The following SYTL2 variants were observed in gnomAD, a reference collection of about 807,000 sequenced individuals.
The protein encoded by SYTL2 is synaptotagmin like 2.
SYTL2 carries 165 observed loss-of-function variants against 198.7 expected under a neutral mutation model. That is an observed-to-expected ratio of 0.83 (90% CI 0.73 to 0.94). The LOEUF (loss-of-function observed/expected upper bound fraction) is 0.94. Among genes scored for constraint, SYTL2 ranks in the 40% least tolerant of loss-of-function variants. SYTL2 has a pLI of 0.00. For missense variants in SYTL2, 2,835 were observed against 2,582.8 expected, an observed-to-expected ratio of 1.10 and a Z score of -2.12; for synonymous variants, 966 against 917.7, an observed-to-expected ratio of 1.05 and a Z score of -0.95.
At chr11:85,707,394 T>C (rs1292106980) in intron 15 of SYTL2, 35 bp downstream of exon 15, 1 of 1,435,606 alleles carries the variant, frequency 7.0e-7, no homozygotes, top group East Asian at 2.3e-5. Flanking sequence ...CAGGTCACCA[T>C]CTAGGATTTT....
rs1024117941 is a variant in SYTL2, at chr11:85,727,352, T to C, written c.2006A>G (p.Tyr669Cys). The C allele has an allele frequency of 3.3e-5, 51 of 1,536,116 alleles. No individual in the cohort carries two copies. Among genetic ancestry groups the C allele is most frequent in the Admixed American group, 1.2e-4 (6 of 50,976 alleles). The change falls in exon 8 of 20, where the codon TAT becomes TGT. Residue 669 changes from tyrosine (Y) to cysteine (C), a missense_variant. Transcript: ENST00000359152. ...GNGASPSNSN[Y>C]SYSVLKESDA... ...AGATTCCTTGAGAACACTGTAGGAA[T>C]AGTTACTATTTGAAGGAGATGCCCC...
At chr11:85,811,524 A>G (rs141396189), upstream of SYTL2, among the ~76,000 whole-genome samples, 4 of 152,164 alleles carry the variant, frequency 2.6e-5, no homozygotes, top group African/African-American at 4.8e-5. Flanking sequence ...CCGAGAAGGG[A>G]CAGCCACCGC....
chr11:85,699,173 C>T (rs991900209), intron 17 of SYTL2, among the ~76,000 whole-genome samples: 5 of 152,164 alleles, frequency 3.3e-5, no homozygotes, highest in African/African-American at 9.7e-5. Context: ...ATGTAATATA[C>T]AGTGAAACTC....
chr11:85,814,512 T>C (rs147425064), upstream of SYTL2, among the ~76,000 whole-genome samples: 562 of 152,300 alleles, frequency 3.7e-3, 1 homozygote, highest in African/African-American at 0.013. Flanking sequence ...CTTATTTAAG[T>C]TGAGAACCCC....
At chr11:85,801,536 C>T (rs564179032) in intron 1 of SYTL2, among the ~76,000 whole-genome samples, 1 of 152,316 alleles carries the variant, frequency 6.6e-6, no homozygotes, top group African/African-American at 2.4e-5. Flanking sequence ...ACCAAAAAAG[C>T]TTTAATATAT....
At chr11:85,732,863 GCATGTTTT>G (rs1316994835) in intron 7 of SYTL2, among the ~76,000 whole-genome samples, 4 of 152,148 alleles carry the variant, frequency 2.6e-5, no homozygotes, top group African/African-American at 9.7e-5. Flanking sequence ...AGGGTACACA[GCATGTTTT>G]TTTCTATTGT....
intron 2 of SYTL2, among the ~76,000 whole-genome samples, chr11:85,753,758 C>A (rs1181369643): frequency 2.2e-5 from 2 of 90,920 alleles, no homozygotes; most frequent in Non-Finnish European, 4.2e-5. Flanking sequence ...GAGAGAAACT[C>A]TCTTTTTTAA....
intron 1 of SYTL2, among the ~76,000 whole-genome samples, chr11:85,767,529 A>T (rs1172367754): frequency 6.6e-6 from 1 of 152,198 alleles, no homozygotes; most frequent in Non-Finnish European, 1.5e-5. Flanking sequence ...ACTGAACTGT[A>T]GCCATCACCA....
chr11:85,707,001 G>C (rs2085282039), intron 15 of SYTL2, among the ~76,000 whole-genome samples: 1 of 151,908 alleles, frequency 6.6e-6, no homozygotes, highest in African/African-American at 2.4e-5. Flanking sequence ...CCACCATGCT[G>C]GCTCATTTTT....
rs1435239008 is a variant in SYTL2 at position 85,725,337 on chromosome 11, G to A, written c.4021C>T (p.Pro1341Ser). The change falls in exon 8 of 20, where the codon CCC (proline) becomes TCC (serine). Residue 1341 changes from proline to serine, a missense_variant. Physicochemically the swap from Pro to Ser is moderately conservative, Grantham distance 74. Transcript: ENST00000359152. The stretch of plus-strand genomic sequence containing the variant: ...TGAGAAGGGTGTACCCTAGCCTGGG[G>A]AACAAGATGAGCATCCTGGGGAAAA... The part of the protein sequence containing the change: ...MLFPQDAHLV[P>S]QARVHPSQTE... 1.2e-6 allele frequency: 2 copies of A among 1,613,906 alleles called. No homozygotes were observed. The highest frequency in any genetic ancestry group is 2.2e-5 in the East Asian group (1 of 44,878).
chr11:85,763,860 C>T lies in SYTL2; in HGVS notation c.-389-5746G>A, dbSNP rs147415400. ...TAAAACTAAATGCTTTGTAAACTTCCTAGGATCACAGCAGCATCAAAGGAT... is the reference window on the plus strand; with the variant it reads ...TAAAACTAAATGCTTTGTAAACTTCTTAGGATCACAGCAGCATCAAAGGAT... On this transcript the variant is annotated intron_variant, in intron 1 of 19. Coordinates refer to ENST00000359152, the MANE Select transcript of SYTL2 (RefSeq NM_206927.4). Among the ~76,000 whole-genome samples, 4 of 152,254 alleles carry T rather than the reference C, an allele frequency of 2.6e-5. No individual in the cohort carries two copies. The East Asian group carries it at 7.7e-4, about 29-fold the overall frequency.
rs1565859339 is a variant in SYTL2, at chr11:85,704,939, C to T, written c.6108G>A (p.Gly2036=). 4 of 1,613,472 alleles carry T rather than the reference C, an allele frequency of 2.5e-6. No individual in the cohort carries two copies. In the Admixed American group the frequency reaches 5.0e-5, roughly 20 times the overall value. The change falls in exon 16 of 20, where the codon GGG becomes GGA. Residue 2036 remains glycine (G), a synonymous_variant. Coordinates refer to ENST00000359152, the MANE Select transcript of SYTL2 (RefSeq NM_206927.4). ...RDTFKRNSFL[G]EVELDLETWD... is the part of the protein sequence containing the mutation. ...ATGTTTCCAAATCAAGTTCCACCTCCCCTAGGAAACTATTGCGCTTAAATG... is the reference window on the plus strand; with the variant it reads ...ATGTTTCCAAATCAAGTTCCACCTCTCCTAGGAAACTATTGCGCTTAAATG...
At chr11:85,700,155 C>T (rs1242606152) in intron 17 of SYTL2, among the ~76,000 whole-genome samples, 2 of 151,970 alleles carry the variant, frequency 1.3e-5, no homozygotes, top group East Asian at 3.9e-4. Context: ...ATGATGATTA[C>T]CAGAAGCTGG....
chr11:85,841,118 A>T, the SYTL2 span, among the ~76,000 whole-genome samples: 1 of 152,208 alleles, frequency 6.6e-6, no homozygotes, highest in East Asian at 1.9e-4. Context: ...CAAAACCACA[A>T]TGAGACATCA....
Position 85,734,063 on chromosome 11 carries a change from A to C in SYTL2, c.1266T>G (p.His422Gln). 1 of 1,614,118 alleles carries C rather than the reference A, an allele frequency of 6.2e-7. No individual in the cohort carries two copies. The highest frequency in any genetic ancestry group is 8.5e-7 in the Non-Finnish European group (1 of 1,179,936). Reference protein sequence around the residue: ...TSGSFPINGLHSHSEVLTARP... With the variant: ...TSGSFPINGLQSHSEVLTARP... ...TTGCAGTTAAAACTTCTGAATGAGA[A>C]TGCAGCCCATTAATTGGAAAAGAAC... The change falls in exon 7 of 20, where the codon CAT becomes CAG. Residue 422 changes from histidine to glutamine, a missense_variant. By Grantham distance (24) the His-to-Gln change is conservative (BLOSUM62 0). Transcript: ENST00000359152.
At chr11:85,744,578 C>T (rs981174896) in intron 4 of SYTL2, among the ~76,000 whole-genome samples, 2 of 152,182 alleles carry the variant, frequency 1.3e-5, no homozygotes, top group Non-Finnish European at 2.9e-5. Context: ...CATGATATAA[C>T]TTTACTCATA....
chr11:85,734,066 C>T lies in SYTL2; in HGVS notation c.1263G>A (p.Leu421=). The T allele has an allele frequency of 6.2e-7, 1 of 1,614,112 alleles. No homozygotes were observed. The highest frequency in any genetic ancestry group is 1.3e-5 in the African/African-American group (1 of 75,056). ...CAGTTAAAACTTCTGAATGAGAATG[C>T]AGCCCATTAATTGGAAAAGAACCAG... is the stretch of plus-strand genomic sequence containing the variant. ...MTSGSFPING[L]HSHSEVLTAR... The change falls in exon 7 of 20, where the codon CTG becomes CTA. Residue 421 remains leucine, a synonymous_variant. Coordinates refer to ENST00000359152, the MANE Select transcript of SYTL2 (RefSeq NM_206927.4).
chr11:85,779,760 T>G (rs2092526564), intron 1 of SYTL2, among the ~76,000 whole-genome samples: 1 of 152,184 alleles, frequency 6.6e-6, no homozygotes, highest in Non-Finnish European at 1.5e-5. Flanking sequence ...TTATAAATTT[T>G]TAATCAACAA....
At chr11:85,812,189 C>T (rs920190857), upstream of SYTL2, among the ~76,000 whole-genome samples, 1 of 152,232 alleles carries the variant, frequency 6.6e-6, no homozygotes, top group Non-Finnish European at 1.5e-5. Flanking sequence ...CCCAGGCAAA[C>T]CTCTGAAGGA....
Sources: gnomAD v4.1 joint callset for allele counts (sites outside exome capture counted in the v4.1 genomes callset) on GRCh38, gnomAD v4.1.1 for gene constraint, MANE v1.5 for transcripts, NCBI Gene and HGNC (gene_info 2026-07-23, HGNC 2026-07-21) for gene names.